ATXN2: variants seen among roughly 807,000 people sequenced by gnomAD.
The protein encoded by ATXN2 is ataxin 2.
A neutral mutation model predicts 138.6 loss-of-function variants in ATXN2; 37 were observed. That is an observed-to-expected ratio of 0.27 (90% confidence interval 0.21 to 0.35). ATXN2 has a LOEUF of 0.35. Ranked by LOEUF, ATXN2 falls within the 10% of genes least tolerant of loss-of-function variation. The probability of loss-of-function intolerance (pLI) is 1.00; values close to 1 mark genes in which losing one functional copy is unlikely to be tolerated. For synonymous variants in ATXN2, 549 were observed against 543.7 expected, an observed-to-expected ratio of 1.01 and a Z score of -0.13; for missense variants, 1,216 against 1,480.3, an observed-to-expected ratio of 0.82 and a Z score of 2.93.
rs542826315 is a variant in ATXN2 at position 111,503,145 on chromosome 12, G to C, written c.1935+6404C>G. Among the ~76,000 whole-genome samples, 4 of 152,292 alleles carry C rather than the reference G, an allele frequency of 2.6e-5. No homozygotes were observed. The South Asian group carries it at 8.3e-4, about 32-fold the overall frequency. ...AGGGAAGGAACAACAAACACACAAG[G>C]TATTTCTATTTCTGCCTAAATGAAG... On this transcript the variant is annotated intron_variant, in intron 14 of 24. Coordinates refer to ENST00000673436, the MANE Select transcript of ATXN2 (RefSeq NM_001372574.1).
At chr12:111,566,304 T>G (rs1396151778) in intron 1 of ATXN2, among the ~76,000 whole-genome samples, 1 of 151,420 alleles carries the variant, frequency 6.6e-6, no homozygotes, top group Non-Finnish European at 1.5e-5. Flanking sequence ...TGGTGGTGCA[T>G]GCCTGTAATC....
rs376508232 is a variant in ATXN2 at position 111,456,157 on chromosome 12, T to C, written c.3142A>G (p.Thr1048Ala). The C allele has an allele frequency of 6.2e-7, 1 of 1,614,172 alleles. No homozygotes were observed. The highest frequency in any genetic ancestry group is 8.5e-7 in the Non-Finnish European group (1 of 1,180,042). ...GGCGACTGCGTGTTGGAGGCAGGTGTCATGGAGGGTGGAGTTGGCGCAAGC... is the reference window on the plus strand; with the variant it reads ...GGCGACTGCGTGTTGGAGGCAGGTGCCATGGAGGGTGGAGTTGGCGCAAGC... ...AGLAPTPPSMTPASNTQSPQN... is the reference protein window; with the variant it reads ...AGLAPTPPSMAPASNTQSPQN... The change falls in exon 23 of 25, where the codon ACA becomes GCA. Residue 1048 changes from threonine to alanine, a missense_variant. Physicochemically the swap from Thr to Ala is moderately conservative, Grantham distance 58. Transcript: ENST00000673436.
At chr12:111,470,289 G>A (rs2135673786) in intron 19 of ATXN2, 49 bp from the exon 20 acceptor site, 1 of 1,584,994 alleles carries the variant, frequency 6.3e-7, no homozygotes, top group Non-Finnish European at 8.6e-7. Context: ...TGCAAATAGA[G>A]CCAAGCAGAC....
intron 1 of ATXN2, among the ~76,000 whole-genome samples, chr12:111,578,080 C>T (rs1321786729): frequency 6.6e-6 from 1 of 152,088 alleles, no homozygotes; most frequent in Non-Finnish European, 1.5e-5. Flanking sequence ...ACCTGTAATC[C>T]CAGCTATTCA....
chr12:111,556,052 T>G, intron 1 of ATXN2, 133 bp from the exon 2 acceptor site: 1 of 703,338 alleles, frequency 1.4e-6, no homozygotes, highest in Non-Finnish European at 2.2e-6. Context: ...TAATATTAAG[T>G]CTAAAGGCTA....
intron 9 of ATXN2, among the ~76,000 whole-genome samples, 199 bp downstream of exon 9, chr12:111,518,050 T>C (rs566887544): frequency 6.6e-6 from 1 of 152,320 alleles, no homozygotes. Flanking sequence ...TGCTAAATAA[T>C]ATATATGTCA....
intron 1 of ATXN2, among the ~76,000 whole-genome samples, chr12:111,573,100 C>A (rs557365326): frequency 6.6e-6 from 1 of 151,646 alleles, no homozygotes; most frequent in Non-Finnish European, 1.5e-5. Context: ...TGATAGAGAA[C>A]TGCCAGGACT....
chr12:111,566,618 T>C (rs1300187108), intron 1 of ATXN2, among the ~76,000 whole-genome samples: 1 of 150,564 alleles, frequency 6.6e-6, no homozygotes, highest in Non-Finnish European at 1.5e-5. Context: ...TTAACAGGAG[T>C]TTTAGAGGAA....
chr12:111,456,743 A>AT (rs1263469341), intron 22 of ATXN2, among the ~76,000 whole-genome samples: 8 of 151,784 alleles, frequency 5.3e-5, no homozygotes, highest in East Asian at 1.9e-4. Flanking sequence ...CTTAAATGTG[A>AT]TTTTTTTTAA....
chr12:111,598,969 CT>C lies in ATXN2; in HGVS notation c.65del (p.Gln22ArgfsTer24). On this transcript the variant is annotated frameshift_variant, in exon 1 of 25. Coordinates refer to ENST00000673436, the MANE Select transcript of ATXN2 (RefSeq NM_001372574.1). LOFTEE classifies it high-confidence loss of function. The surrounding 1 kb of genome is among the most constrained non-coding windows in gnomAD (Gnocchi z 4.5). Reference protein sequence around the residue: ...QQQQQQQQQQQQQQQQQPPPA... With the variant: ...QQQQQQQQQQXQQQQQQPPPA... ...GCGGCGGCTGCTGCTGCTGCTGCTGCTGCTGCTGTTGCTGCTGCTGCTGCTG... is the reference window on the plus strand; with the variant it reads ...GCGGCGGCTGCTGCTGCTGCTGCTGCGCTGCTGTTGCTGCTGCTGCTGCTG... The C allele has an allele frequency of 1.3e-6, 2 of 1,500,886 alleles. No homozygotes were observed. Among genetic ancestry groups the C allele is most frequent in the Non-Finnish European group, 8.9e-7 (1 of 1,128,068 alleles). The allele number at this position is 1,500,886 out of a possible 1,614,324, so 93.0% of individuals were successfully genotyped here. A position where few individuals can be genotyped will look rare whatever the true frequency, so the allele number is the denominator to read the frequency against.
chr12:111,518,138 C>T, intron 9 of ATXN2, 111 bp downstream of exon 9: 1 of 996,434 alleles, frequency 1.0e-6, no homozygotes, highest in Non-Finnish European at 1.4e-6. Flanking sequence ...AGCTACTCAC[C>T]AAATCATTAA....
At chr12:111,551,175 T>C (rs1882097074) in intron 5 of ATXN2, among the ~76,000 whole-genome samples, 1 of 151,814 alleles carries the variant, frequency 6.6e-6, no homozygotes, top group Admixed American at 6.6e-5. Flanking sequence ...CACACGCCTG[T>C]AGTCCCAGCT....
chr12:111,575,938 C>T (rs1883614032), intron 1 of ATXN2, among the ~76,000 whole-genome samples: 1 of 151,974 alleles, frequency 6.6e-6, no homozygotes, highest in Admixed American at 6.6e-5. Context: ...AAAAATTAGC[C>T]AGGCACGGTG....
At chr12:111,569,264 T>G (rs1418984561) in intron 1 of ATXN2, among the ~76,000 whole-genome samples, 2 of 152,188 alleles carry the variant, frequency 1.3e-5, no homozygotes, top group Non-Finnish European at 2.9e-5. Context: ...ATGAAAATAG[T>G]ACCTTCTCAA....
At chr12:111,504,515 C>T (rs558842380) in intron 14 of ATXN2, among the ~76,000 whole-genome samples, 13 of 152,240 alleles carry the variant, frequency 8.5e-5, no homozygotes, top group African/African-American at 2.4e-4. Context: ...GTTTCGAACT[C>T]CTGACCTCAT....
intron 1 of ATXN2, among the ~76,000 whole-genome samples, chr12:111,559,662 T>C (rs1882568901): frequency 6.6e-6 from 1 of 150,858 alleles, no homozygotes; most frequent in Non-Finnish European, 1.5e-5. Flanking sequence ...ATCCCAGATA[T>C]TTGGGGAGGC....
intron 10 of ATXN2, among the ~76,000 whole-genome samples, chr12:111,514,573 G>A (rs539547974): frequency 3.3e-5 from 5 of 152,192 alleles, no homozygotes; most frequent in African/African-American, 1.2e-4. Context: ...CGCCCAGGCT[G>A]GAGTGCAGTG....
intron 14 of ATXN2, 59 bp from the exon 15 acceptor site, chr12:111,488,839 G>A (rs1169447420): frequency 3.6e-5 from 50 of 1,393,850 alleles, no homozygotes; most frequent in Non-Finnish European, 4.7e-5. Flanking sequence ...ATACATTTTT[G>A]CCATGAGCAC....
At chr12:111,553,910 A>G (rs960220751) in intron 3 of ATXN2, among the ~76,000 whole-genome samples, 8 of 151,992 alleles carry the variant, frequency 5.3e-5, no homozygotes, top group Non-Finnish European at 2.9e-5. Context: ...CTTTTTAACA[A>G]ATATTTTTGA....
Sources: gnomAD v4.1 joint callset for allele counts (sites outside exome capture counted in the v4.1 genomes callset) on GRCh38, gnomAD v4.1.1 for gene constraint, Gnocchi (gnomAD v3.1) non-coding constraint, MANE v1.5 for transcripts, NCBI Gene and HGNC (gene_info 2026-07-23, HGNC 2026-07-21) for gene names.